YIPF5: variants seen among roughly 807,000 people sequenced by gnomAD.
The protein encoded by YIPF5 is Yip1 domain family member 5, also known as protein YIPF5.
A neutral mutation model predicts 30.4 loss-of-function variants in YIPF5; 8 were observed. That is an observed-to-expected ratio of 0.26 (90% CI 0.15 to 0.47). YIPF5 has a LOEUF of 0.47. Among genes scored for constraint, YIPF5 ranks in the 20% least tolerant of loss-of-function variants. YIPF5 has a pLI of 0.99. For missense variants in YIPF5, 282 were observed against 301.8 expected, an observed-to-expected ratio of 0.93 and a Z score of 0.49; for synonymous variants, 104 against 107.9, an observed-to-expected ratio of 0.96 and a Z score of 0.23.
intron 3 of YIPF5, among the ~76,000 whole-genome samples, chr5:144,164,827 C>T (rs1036179843): frequency 1.2e-4 from 18 of 152,086 alleles, no homozygotes; most frequent in African/African-American, 4.1e-4. Context: ...CTTATTACAT[C>T]CCTTAGGTAT....
chr5:144,166,549 T>C (rs1436669408), intron 2 of YIPF5, among the ~76,000 whole-genome samples: 2 of 152,214 alleles, frequency 1.3e-5, no homozygotes, highest in Non-Finnish European at 2.9e-5. Flanking sequence ...ATTCTTATAG[T>C]CATAATGTCA....
At chr5:144,160,681 CAT>C (rs1198099517) in intron 5 of YIPF5, 122 bp from the exon 6 acceptor site, 51 of 807,888 alleles carry the variant, frequency 6.3e-5, no homozygotes, top group Non-Finnish European at 8.7e-5. Flanking sequence ...TGCAAGTAGA[CAT>C]ATGCAAAAAT....
chr5:144,166,453 C>T (rs964308645), intron 2 of YIPF5, among the ~76,000 whole-genome samples: 2 of 152,116 alleles, frequency 1.3e-5, no homozygotes, highest in South Asian at 4.1e-4. Flanking sequence ...CTAAGAAACA[C>T]AGATGTAAAA....
chr5:144,168,658 T>C (rs956845544), intron 2 of YIPF5, among the ~76,000 whole-genome samples: 1 of 152,166 alleles, frequency 6.6e-6, no homozygotes, highest in Non-Finnish European at 1.5e-5. Context: ...CTCACTCCCA[T>C]TGTTCAAATG....
In YIPF5 at chr5:144,159,655, T is replaced by C. The variant is rs1751971327; in HGVS notation, c.*742A>G. 1 of 985,364 alleles carries C rather than the reference T, an allele frequency of 1.0e-6. No individual in the cohort carries two copies. Among genetic ancestry groups the C allele is most frequent in the Non-Finnish European group, 1.2e-6 (1 of 829,910 alleles). The allele number at this position is 985,364 out of a possible 1,614,324, so 61.0% of individuals were successfully genotyped here. Reference sequence around the variant, plus strand: ...CCTGACTTGAGAATACAAGGCAATTTTTCTTTCCTAAATCCTTGGAAAAAT... The same window carrying C: ...CCTGACTTGAGAATACAAGGCAATTCTTCTTTCCTAAATCCTTGGAAAAAT... On this transcript the variant is annotated 3_prime_UTR_variant, in exon 6 of 6. Coordinates refer to ENST00000274496, the MANE Select transcript of YIPF5 (RefSeq NM_030799.9).
chr5:144,164,237 G>C lies in YIPF5; in HGVS notation c.303C>G (p.Asp101Glu), dbSNP rs1053022677. 6.2e-7 allele frequency: 1 copy of C among 1,609,168 alleles called. No homozygotes were observed. Among genetic ancestry groups the C allele is most frequent in the African/African-American group, 1.3e-5 (1 of 74,796 alleles). Reference protein sequence around the residue: ...PLLEELGINFDHIWQKTLTVL... With the variant: ...PLLEELGINFEHIWQKTLTVL... ...CTGTTAGTGTTTTTTGCCAGATGTG[G>C]TCAAAATTGATACCTAACTCTAAAG... Residue 101 changes from aspartate to glutamate, a missense_variant, in exon 4 of 6, where the codon GAC becomes GAG. By Grantham distance (45) the Asp-to-Glu change is conservative (BLOSUM62 2). Transcript: ENST00000274496.
In YIPF5 at chr5:144,159,933, C is replaced by G; in HGVS notation, c.*464G>C. The G allele has an allele frequency of 1.1e-5, 9 of 846,896 alleles. No homozygotes were observed. The highest frequency in any genetic ancestry group is 1.3e-5 in the Non-Finnish European group (9 of 703,772). The allele number at this position is 846,896 out of a possible 1,614,324, so 52.5% of individuals were successfully genotyped here. A position where few individuals can be genotyped will look rare whatever the true frequency, so the allele number is the denominator to read the frequency against. ...CCGTGTTAACCAGGATGGTCTCGAT[C>G]TCCTGCCCTTGTGATCCGCCCGCCT... On this transcript the variant is annotated 3_prime_UTR_variant, in exon 6 of 6. Transcript: ENST00000274496.
At position 144,164,270 on chromosome 5, in the gene YIPF5, A is replaced by G. The variant is rs201469644; in HGVS notation, c.284-14T>C. On this transcript the variant is annotated splice_polypyrimidine_tract_variant and intron_variant, in intron 3 of 5. Transcript: ENST00000274496. ...TGATACCTAACTCTAAAGAGAAAGAAAATTTAAAAGTTAATTAGGATTTGT... is the reference window on the plus strand; with the variant it reads ...TGATACCTAACTCTAAAGAGAAAGAGAATTTAAAAGTTAATTAGGATTTGT... 30 of 1,593,808 alleles carry G rather than the reference A, an allele frequency of 1.9e-5. No individual in the cohort carries two copies. The highest frequency in any genetic ancestry group is 2.6e-5 in the Non-Finnish European group (30 of 1,170,260).
chr5:144,170,164 G>A, intron 1 of YIPF5, 199 bp from the exon 2 acceptor site: 1 of 561,936 alleles, frequency 1.8e-6, no homozygotes, highest in Non-Finnish European at 3.2e-6. Flanking sequence ...TTTAAGTTGC[G>A]GCCCAGTAAG....
intron 2 of YIPF5, among the ~76,000 whole-genome samples, chr5:144,168,145 T>C (rs1206464477): frequency 1.3e-5 from 2 of 152,142 alleles, no homozygotes; most frequent in Non-Finnish European, 2.9e-5. Context: ...CATGATTTGG[T>C]TGGAATGAAA....
chr5:144,167,877 C>T (rs963972541), intron 2 of YIPF5, among the ~76,000 whole-genome samples: 1 of 151,894 alleles, frequency 6.6e-6, no homozygotes, highest in Non-Finnish European at 1.5e-5. Context: ...ACTAAATTAG[C>T]AAATCAAACA....
chr5:144,169,619 A>G (rs375577821), intron 2 of YIPF5, among the ~76,000 whole-genome samples: 26 of 152,336 alleles, frequency 1.7e-4, no homozygotes, highest in African/African-American at 5.8e-4. Flanking sequence ...TTTTCCATTC[A>G]TGGTACACCT....
Position 144,160,153 on chromosome 5 carries a change from G to A in YIPF5, c.*244C>T, listed in dbSNP as rs555382204. 5,776 of 1,189,466 alleles carry A rather than the reference G, an allele frequency of 4.9e-3. 16 individuals are homozygous for A. The highest frequency in any genetic ancestry group is 5.7e-3 in the Non-Finnish European group (5,520 of 961,976). The allele number at this position is 1,189,466 out of a possible 1,614,324, so 73.7% of individuals were successfully genotyped here. ...TTTCAATGGCTGCAGGAACCAGAAAGAAATAGCATTTCTTATCTGTATAAA... is the reference window on the plus strand; with the variant it reads ...TTTCAATGGCTGCAGGAACCAGAAAAAAATAGCATTTCTTATCTGTATAAA... On this transcript the variant is annotated 3_prime_UTR_variant, in exon 6 of 6. Transcript: ENST00000274496.
At chr5:144,170,013 C>T in intron 1 of YIPF5, 48 bp from the exon 2 acceptor site, 1 of 1,487,994 alleles carries the variant, frequency 6.7e-7, no homozygotes, top group Non-Finnish European at 9.4e-7. Flanking sequence ...CAAGGTTCTA[C>T]TGAATTCGTT....
chr5:144,164,259 A>G lies in YIPF5; in HGVS notation c.284-3T>C, dbSNP rs368188134. 41 of 1,596,708 alleles carry G rather than the reference A, an allele frequency of 2.6e-5. No homozygotes were observed. In the African/African-American group the frequency reaches 5.3e-4, roughly 20 times the overall value. On this transcript the variant is annotated splice_region_variant and splice_polypyrimidine_tract_variant and intron_variant, in intron 3 of 5. Coordinates refer to ENST00000274496, the MANE Select transcript of YIPF5 (RefSeq NM_030799.9). Reference sequence around the variant, plus strand: ...GTGGTCAAAATTGATACCTAACTCTAAAGAGAAAGAAAATTTAAAAGTTAA... The same window carrying G: ...GTGGTCAAAATTGATACCTAACTCTGAAGAGAAAGAAAATTTAAAAGTTAA...
intron 3 of YIPF5, among the ~76,000 whole-genome samples, chr5:144,165,033 A>C (rs1752163686): frequency 6.6e-6 from 1 of 152,108 alleles, no homozygotes. Flanking sequence ...AAAAGTTCAG[A>C]ACTACCACTT....
In YIPF5 at chr5:144,160,221, T is replaced by C. The variant is rs12109284; in HGVS notation, c.*176A>G. 220,916 of 1,408,652 alleles carry C rather than the reference T, an allele frequency of 0.16. 18,472 individuals are homozygous for C. The highest frequency in any genetic ancestry group is 0.27 in the Admixed American group (9,172 of 34,430). 87.3% of individuals were successfully genotyped at this position (1,408,652 alleles called of 1,614,324 possible). On this transcript the variant is annotated 3_prime_UTR_variant, in exon 6 of 6. Transcript: ENST00000274496. ...AGTCACACCGCAGGTAAATCCAATA[T>C]AGTATGCAAAAGTTCTATAAAAATG...
At position 144,169,882 on chromosome 5, in the gene YIPF5, G is replaced by A. The variant is rs745970774; in HGVS notation, c.74C>T (p.Ser25Phe). The change falls in exon 2 of 6, where the codon TCC becomes TTC. Residue 25 changes from serine (S) to phenylalanine (F), a missense_variant. Ser to Phe is a radical substitution (Grantham distance 155, BLOSUM62 -2). Coordinates refer to ENST00000274496, the MANE Select transcript of YIPF5 (RefSeq NM_030799.9). ...SYSIDDQSQQ[S>F]YDYGGSGGPY... is the part of the protein sequence containing the mutation. ...TCCTCCACTTCCTCCATAATCATAG[G>A]ACTGCTGTGACTGATCATCGATGCT... is the stretch of plus-strand genomic sequence containing the variant. 1.2e-5 allele frequency: 19 copies of A among 1,614,170 alleles called. No individual in the cohort carries two copies. Among genetic ancestry groups the A allele is most frequent in the Non-Finnish European group, 1.5e-5 (18 of 1,180,022 alleles).
intron 2 of YIPF5, among the ~76,000 whole-genome samples, chr5:144,165,921 T>C (rs1181253562): frequency 6.6e-6 from 1 of 152,222 alleles, no homozygotes; most frequent in Non-Finnish European, 1.5e-5. Context: ...TGTGTCTATT[T>C]TTCTCCCTTA....
Sources: allele counts gnomAD v4.1 joint callset (sites outside exome capture counted in the v4.1 genomes callset), GRCh38; gene constraint gnomAD v4.1.1; transcripts MANE v1.5; gene names NCBI Gene and HGNC (gene_info 2026-07-23, HGNC 2026-07-21).